ZNF248: variants seen among roughly 807,000 people sequenced by gnomAD.
ZNF248 encodes the protein zinc finger protein 248, also known as KRAB protein domain.
Under a neutral mutation model 44.3 loss-of-function variants are expected in ZNF248, and 20 were observed. That is an observed-to-expected ratio of 0.45 (90% CI 0.32 to 0.66). The LOEUF (loss-of-function observed/expected upper bound fraction) is 0.66. ZNF248 is among the 30% of genes least tolerant of loss of function. The pLI is 0.04. For synonymous variants in ZNF248, 224 were observed against 229.0 expected, an observed-to-expected ratio of 0.98 and a Z score of 0.20; for missense variants, 654 against 677.0, an observed-to-expected ratio of 0.97 and a Z score of 0.38.
At chr10:37,819,810 C>T (rs2053158784) in intron 6 of ZNF248, 1 of 786,568 alleles carries the variant, frequency 1.3e-6, no homozygotes, top group African/African-American at 1.7e-5. Context: ...TGACCCATGG[C>T]AGGAGGTTTC....
At chr10:37,801,058 G>A (rs560172687) in intron 6 of ZNF248, among the ~76,000 whole-genome samples, 7 of 151,558 alleles carry the variant, frequency 4.6e-5, no homozygotes, top group Admixed American at 1.3e-4. Context: ...CACTGTGCCC[G>A]GCCTAAACAA....
the ZNF248 span, among the ~76,000 whole-genome samples, chr10:37,768,399 A>G: frequency 6.8e-6 from 1 of 148,052 alleles, no homozygotes; most frequent in Non-Finnish European, 1.5e-5. Flanking sequence ...AATGTAAAAG[A>G]ACAGCAATTA....
chr10:37,761,299 A>G, the ZNF248 span, among the ~76,000 whole-genome samples: 1 of 152,186 alleles, frequency 6.6e-6, no homozygotes, highest in African/African-American at 2.4e-5. Flanking sequence ...GCAGGTTGGT[A>G]ACTATAAGAA....
chr10:37,828,149 G>GT (rs1436139741), downstream of ZNF248, among the ~76,000 whole-genome samples: 4 of 152,248 alleles, frequency 2.6e-5, no homozygotes, highest in East Asian at 7.7e-4. Flanking sequence ...GGTAATTAGG[G>GT]TAAGGGTCTC....
chr10:37,761,297 G>T, the ZNF248 span, among the ~76,000 whole-genome samples: 35 of 152,190 alleles, frequency 2.3e-4, no homozygotes, highest in South Asian at 6.2e-4. Flanking sequence ...AGGCAGGTTG[G>T]TAACTATAAG....
the ZNF248 span, among the ~76,000 whole-genome samples, chr10:37,760,505 G>C: frequency 3.4e-4 from 52 of 152,270 alleles, no homozygotes; most frequent in African/African-American, 1.1e-3. Flanking sequence ...TTATAGGCAT[G>C]AGCCACTGTG....
intron 6 of ZNF248, among the ~76,000 whole-genome samples, chr10:37,797,258 G>A (rs1564483308): frequency 6.6e-6 from 1 of 152,096 alleles, no homozygotes; most frequent in African/African-American, 2.4e-5. Flanking sequence ...CTTCAGGAAT[G>A]AAGTTGGACC....
chr10:37,837,507 G>C (rs1323712771), intron 5 of ZNF248, 110 bp downstream of exon 5: 3 of 834,668 alleles, frequency 3.6e-6, no homozygotes, highest in African/African-American at 1.7e-5. Flanking sequence ...CAAAGGTCTG[G>C]GGCTAAAAAG....
At chr10:37,781,138 G>C (rs1039398752) in intron 6 of ZNF248, among the ~76,000 whole-genome samples, 2 of 152,190 alleles carry the variant, frequency 1.3e-5, no homozygotes, top group African/African-American at 4.8e-5. Flanking sequence ...CTGGAATATA[G>C]GACTACCATG....
At chr10:37,761,164 T>G in the ZNF248 span, among the ~76,000 whole-genome samples, 1 of 152,176 alleles carries the variant, frequency 6.6e-6, no homozygotes, top group East Asian at 1.9e-4. Context: ...TGTGATGATC[T>G]CCTACTACAA....
intron 6 of ZNF248, chr10:37,819,462 A>G (rs537048290): frequency 1.6e-5 from 25 of 1,569,672 alleles, no homozygotes; most frequent in Non-Finnish European, 2.1e-5. Flanking sequence ...ACAGCTACGT[A>G]TCTTTGCTCT....
intron 3 of ZNF248, among the ~76,000 whole-genome samples, chr10:37,851,601 T>A (rs909114824): frequency 6.6e-6 from 1 of 151,474 alleles, no homozygotes; most frequent in Non-Finnish European, 1.5e-5. Flanking sequence ...TTAATCTATC[T>A]CTTGTTACAG....
chr10:37,822,040 T>C (rs1016467939), intron 6 of ZNF248, among the ~76,000 whole-genome samples: 4 of 152,332 alleles, frequency 2.6e-5, no homozygotes, highest in East Asian at 3.9e-4. Context: ...TAAGGGGCTA[T>C]GCCTTCCCCT....
At chr10:37,840,468 A>C (rs997345638) in intron 3 of ZNF248, among the ~76,000 whole-genome samples, 4 of 152,228 alleles carry the variant, frequency 2.6e-5, no homozygotes, top group African/African-American at 9.6e-5. Context: ...AAAATGAGAT[A>C]CCATAATATT....
At chr10:37,798,070 T>C (rs991882771) in intron 6 of ZNF248, among the ~76,000 whole-genome samples, 1 of 152,098 alleles carries the variant, frequency 6.6e-6, no homozygotes, top group Non-Finnish European at 1.5e-5. Flanking sequence ...TCCAAATGTC[T>C]ACAAACTGAT....
chr10:37,839,589 G>C (rs1341712601), intron 3 of ZNF248, among the ~76,000 whole-genome samples: 1 of 151,308 alleles, frequency 6.6e-6, no homozygotes, highest in Non-Finnish European at 1.5e-5. Flanking sequence ...CTGAAATTAA[G>C]AGCTTATTGG....
intron 6 of ZNF248, among the ~76,000 whole-genome samples, chr10:37,789,366 C>G (rs1013608596): frequency 2.6e-5 from 4 of 151,716 alleles, no homozygotes; most frequent in South Asian, 2.1e-4. Flanking sequence ...ATTTTTCAGA[C>G]TCCATAAACT....
At chr10:37,857,641 A>T (rs1169432996), upstream of ZNF248, 1 of 152,240 alleles carries the variant, frequency 6.6e-6, no homozygotes, top group Non-Finnish European at 1.5e-5. Context: ...GGGCACAAAA[A>T]GCGCACACGC....
chr10:37,836,771 T>TACACAC (rs72082671), intron 5 of ZNF248, among the ~76,000 whole-genome samples: 15 of 148,496 alleles, frequency 1.0e-4, no homozygotes, highest in African/African-American at 3.5e-4. Context: ...CACAGACATG[T>TACACAC]ACACACACAC....
Sources: gnomAD v4.1 joint callset for allele counts (sites outside exome capture counted in the v4.1 genomes callset) on GRCh38, gnomAD v4.1.1 for gene constraint, MANE v1.5 for transcripts, NCBI Gene and HGNC (gene_info 2026-07-23, HGNC 2026-07-21) for gene names.